Variants in MACROD2 observed in about 807,000 individuals in gnomAD.
The protein encoded by MACROD2 is mono-ADP ribosylhydrolase 2, also known as ADP-ribose glycohydrolase MACROD2.
In MACROD2, 36 loss-of-function variants were observed where a neutral mutation model predicts 70.4. That is an observed-to-expected ratio of 0.51 (90% CI 0.39 to 0.68). The LOEUF (loss-of-function observed/expected upper bound fraction) is 0.68, where lower values mean the gene tolerates loss of function less well. Ranked by LOEUF, MACROD2 falls within the 30% of genes least tolerant of loss-of-function variation. The pLI is 0.00. For missense variants in MACROD2, 496 were observed against 538.4 expected (o/e 0.92, Z 0.78); for synonymous variants, 172 against 178.8 (o/e 0.96, Z 0.30).
chr20:14,685,418 A>G (rs1419317243), intron 5 of MACROD2, among the ~76,000 whole-genome samples: 1 of 152,202 alleles, frequency 6.6e-6, no homozygotes, highest in Non-Finnish European at 1.5e-5. Flanking sequence ...CTGATTGGCA[A>G]TTACAGCCAA....
chr20:15,810,328 T>C (rs996046255), intron 8 of MACROD2, among the ~76,000 whole-genome samples: 8 of 151,844 alleles, frequency 5.3e-5, no homozygotes, highest in Non-Finnish European at 1.2e-4. Flanking sequence ...TAAACATACA[T>C]GTGCATGTGT....
intron 15 of MACROD2, among the ~76,000 whole-genome samples, chr20:16,035,604 A>T (rs1281999154): frequency 6.6e-6 from 1 of 152,058 alleles, no homozygotes; most frequent in Non-Finnish European, 1.5e-5. Flanking sequence ...ATTAAGAAAA[A>T]TTTAGAACTG....
chr20:14,413,619 A>G (rs963292504), intron 3 of MACROD2, among the ~76,000 whole-genome samples: 1 of 152,200 alleles, frequency 6.6e-6, no homozygotes, highest in African/African-American at 2.4e-5. Context: ...TTTTGAAACT[A>G]CAAAAGCAAT....
intron 5 of MACROD2, among the ~76,000 whole-genome samples, chr20:15,132,130 A>C (rs1434196329): frequency 6.6e-6 from 1 of 151,994 alleles, no homozygotes; most frequent in Non-Finnish European, 1.5e-5. Flanking sequence ...AGATGAAAAA[A>C]CTCAGTGTAT....
chr20:14,159,649 T>C (rs557502850), intron 3 of MACROD2, among the ~76,000 whole-genome samples: 26 of 152,284 alleles, frequency 1.7e-4, no homozygotes, highest in African/African-American at 6.0e-4. Flanking sequence ...TTTCTAGATA[T>C]AAGATTATAT....
At chr20:15,590,854 CAAAG>C in intron 8 of MACROD2, among the ~76,000 whole-genome samples, 1 of 117,094 alleles carries the variant, frequency 8.5e-6, no homozygotes, top group East Asian at 2.5e-4. Context: ...TCCTGGATGA[CAAAG>C]AAAGACTCTG....
intron 3 of MACROD2, among the ~76,000 whole-genome samples, chr20:14,214,836 C>T (rs1371787443): frequency 6.6e-6 from 1 of 151,842 alleles, no homozygotes. Flanking sequence ...TCCCACATAT[C>T]AGTGAGAACA....
Position 14,230,708 on chromosome 20 carries a change from G to T in MACROD2, c.271+144980G>T, listed in dbSNP as rs1191324841. Among the ~76,000 whole-genome samples the T allele has an allele frequency of 6.2e-5, 7 of 113,552 alleles. 1 individual carries two copies. Among genetic ancestry groups the T allele is most frequent in the Admixed American group, 2.9e-4 (3 of 10,338 alleles). 74.5% of individuals were successfully genotyped at this position (113,552 alleles called of 152,430 possible). A position where few individuals can be genotyped will look rare whatever the true frequency, so the allele number is the denominator to read the frequency against. ...ATATATATATATATATATGGGCCCA[G>T]CCTATGTTATAATTTGACCTCCTTT... is the stretch of plus-strand genomic sequence containing the variant. On this transcript the variant is annotated intron_variant, in intron 3 of 17. Coordinates refer to ENST00000684519, the MANE Select transcript of MACROD2 (RefSeq NM_001351661.2).
At chr20:15,049,986 G>T (rs1047433658) in intron 5 of MACROD2, among the ~76,000 whole-genome samples, 1 of 151,510 alleles carries the variant, frequency 6.6e-6, no homozygotes, top group South Asian at 2.1e-4. Flanking sequence ...TGCATATTTT[G>T]GTCTTGTCTT....
chr20:14,724,979 G>A (rs1187070424), intron 5 of MACROD2, among the ~76,000 whole-genome samples: 3 of 152,154 alleles, frequency 2.0e-5, no homozygotes, highest in African/African-American at 7.2e-5. Flanking sequence ...AATAGTAGTG[G>A]ATTAGATGAG....
intron 8 of MACROD2, among the ~76,000 whole-genome samples, chr20:15,677,118 A>T (rs1168642214): frequency 1.3e-5 from 2 of 152,212 alleles, no homozygotes; most frequent in East Asian, 1.9e-4. Flanking sequence ...GAGTTTCTAG[A>T]ATGCATTTTT....
intron 2 of MACROD2, among the ~76,000 whole-genome samples, chr20:14,011,653 C>T (rs34240973): frequency 0.36 from 54,389 of 151,612 alleles, 10,526 homozygotes; most frequent in South Asian, 0.48. Flanking sequence ...CTCAGCCTCC[C>T]GACTAGCTGG....
intron 4 of MACROD2, among the ~76,000 whole-genome samples, chr20:14,510,487 A>C (rs1450237480): frequency 6.6e-6 from 1 of 152,042 alleles, no homozygotes; most frequent in African/African-American, 2.4e-5. Context: ...CCAGTTTATA[A>C]TTCTCCTCTT....
At chr20:14,821,634 G>A (rs1488838119) in intron 5 of MACROD2, among the ~76,000 whole-genome samples, 2 of 152,098 alleles carry the variant, frequency 1.3e-5, no homozygotes, top group African/African-American at 4.8e-5. Context: ...TTTTCCCTAA[G>A]TCTAGTCCAC....
At chr20:14,624,137 C>G (rs1421029745) in intron 4 of MACROD2, among the ~76,000 whole-genome samples, 2 of 152,134 alleles carry the variant, frequency 1.3e-5, no homozygotes, top group African/African-American at 4.8e-5. Flanking sequence ...CATGTGTGAT[C>G]TAGAAGGCAG....
chr20:15,987,027 A>G (rs2066494453), intron 14 of MACROD2, 39 bp from the exon 15 acceptor site: 3 of 1,532,550 alleles, frequency 2.0e-6, no homozygotes, highest in Non-Finnish European at 1.8e-6. Context: ...GATTCCAACT[A>G]AAACAACCCT....
intron 5 of MACROD2, among the ~76,000 whole-genome samples, chr20:14,708,905 A>C (rs1397583586): frequency 1.3e-5 from 2 of 152,160 alleles, no homozygotes; most frequent in African/African-American, 4.8e-5. Context: ...GGTGTGAGCC[A>C]CCGTGCCTGA....
In MACROD2 at chr20:15,459,795, C is replaced by T. The variant is rs980783942; in HGVS notation, c.571+28360C>T. 2.1e-4 allele frequency among the ~76,000 whole-genome samples: 32 copies of T among 151,984 alleles called. 1 individual carries two copies. The highest frequency in any genetic ancestry group is 7.7e-4 in the African/African-American group (32 of 41,386). On this transcript the variant is annotated intron_variant, in intron 7 of 17. Coordinates refer to ENST00000684519, the MANE Select transcript of MACROD2 (RefSeq NM_001351661.2). ...AGTCCTTGTGGTAGATATTTGTTTC[C>T]ATTTCTCAGCATTTGTCCTTGTTTT...
At chr20:15,804,571 C>T (rs117478524) in intron 8 of MACROD2, among the ~76,000 whole-genome samples, 2,666 of 152,200 alleles carry the variant, frequency 0.018, 38 homozygotes, top group South Asian at 0.06. Flanking sequence ...AGAGCATGTG[C>T]GTTGTCAAAA....
Sources: allele counts gnomAD v4.1 joint callset (sites outside exome capture counted in the v4.1 genomes callset), GRCh38; gene constraint gnomAD v4.1.1; transcripts MANE v1.5; gene names NCBI Gene and HGNC (gene_info 2026-07-23, HGNC 2026-07-21).